Variants in RIMS4 observed in about 807,000 individuals in gnomAD.
RIMS4 encodes regulating synaptic membrane exocytosis 4, also known as regulating synaptic membrane exocytosis protein 4.
Under a neutral mutation model 29.0 loss-of-function variants are expected in RIMS4, and 9 were observed. The ratio of observed to expected loss-of-function variants is 0.31; its 90% CI spans 0.19 to 0.54. The LOEUF (loss-of-function observed/expected upper bound fraction) is 0.54. Ranked by LOEUF, RIMS4 falls within the 20% of genes least tolerant of loss-of-function variation. RIMS4 has a pLI of 0.94. For synonymous variants in RIMS4, 130 were observed against 152.9 expected (o/e 0.85, Z 1.10); for missense variants, 193 against 365.7 (o/e 0.53, Z 3.85).
chr20:44,757,860 C>T (rs2066067494), intron 3 of RIMS4, 89 bp from the exon 4 acceptor site: 1 of 1,201,760 alleles, frequency 8.3e-7, no homozygotes, highest in Non-Finnish European at 1.2e-6. Flanking sequence ...GGGCTGAAAC[C>T]CCCTTCCCCT....
intron 1 of RIMS4, among the ~76,000 whole-genome samples, chr20:44,786,323 C>T (rs896472353): frequency 7.2e-5 from 11 of 152,282 alleles, no homozygotes; most frequent in African/African-American, 2.4e-4. Context: ...AGAGTCGAGG[C>T]AAGGGACAGA....
At chr20:44,757,630 A>G (rs1206913272) in intron 4 of RIMS4, 40 bp downstream of exon 4, 1 of 1,529,250 alleles carries the variant, frequency 6.5e-7, no homozygotes, top group Admixed American at 1.7e-5. Context: ...ATCCTCCCTG[A>G]CCTCCACCCC....
chr20:44,807,608 C>T (rs918223800), intron 1 of RIMS4, among the ~76,000 whole-genome samples: 11 of 152,116 alleles, frequency 7.2e-5, no homozygotes, highest in South Asian at 2.1e-4. Flanking sequence ...GGTAGAGCCA[C>T]GCCTGTGTCC....
chr20:44,769,752 C>T (rs2145452530), intron 2 of RIMS4, among the ~76,000 whole-genome samples: 1 of 152,280 alleles, frequency 6.6e-6, no homozygotes, highest in East Asian at 1.9e-4. Context: ...CTGAAGATGC[C>T]CAGTTTAGGA....
intron 2 of RIMS4, among the ~76,000 whole-genome samples, chr20:44,770,910 G>A (rs970652712): frequency 3.3e-5 from 5 of 152,184 alleles, no homozygotes; most frequent in African/African-American, 9.7e-5. Context: ...TTTATGCTGT[G>A]TATAAATATC....
chr20:44,808,254 G>A (rs1420109002), intron 1 of RIMS4, among the ~76,000 whole-genome samples: 1 of 152,034 alleles, frequency 6.6e-6, no homozygotes, highest in Non-Finnish European at 1.5e-5. Context: ...AAGGCTGCTG[G>A]AAAAAACAAA....
Position 44,753,299 on chromosome 20 carries a change from G to A in RIMS4, c.*2835C>T, listed in dbSNP as rs1430000744. The A allele has an allele frequency of 6.6e-6, 1 of 152,572 alleles. No homozygotes were observed. Among genetic ancestry groups the A allele is most frequent in the Non-Finnish European group, 1.5e-5 (1 of 68,076 alleles). The allele number at this position is 152,572 out of a possible 1,614,324, so 9.5% of individuals were successfully genotyped here. Reference sequence around the variant, plus strand: ...CCCTGGCTCCGGCTCAGCCTCTATTGGGAGGAGGGGACCCAGGCTGGGGGT... The same window carrying A: ...CCCTGGCTCCGGCTCAGCCTCTATTAGGAGGAGGGGACCCAGGCTGGGGGT... On this transcript the variant is annotated 3_prime_UTR_variant, in exon 6 of 6. Coordinates refer to ENST00000372851, the MANE Select transcript of RIMS4 (RefSeq NM_182970.4).
At chr20:44,804,637 T>C (rs552083879) in intron 1 of RIMS4, among the ~76,000 whole-genome samples, 1 of 152,310 alleles carries the variant, frequency 6.6e-6, no homozygotes, top group East Asian at 1.9e-4. Flanking sequence ...CTCGCTCTCC[T>C]CCGCATCTCT....
At chr20:44,779,495 G>A (rs1289254016) in intron 1 of RIMS4, among the ~76,000 whole-genome samples, 1 of 152,188 alleles carries the variant, frequency 6.6e-6, no homozygotes, top group African/African-American at 2.4e-5. Context: ...AAATCACCTA[G>A]TGTATATTCT....
chr20:44,781,397 C>T (rs1053657424), intron 1 of RIMS4, among the ~76,000 whole-genome samples: 2 of 152,300 alleles, frequency 1.3e-5, no homozygotes, highest in African/African-American at 4.8e-5. Flanking sequence ...GTTAGAGGCA[C>T]GGTCTGGGTT....
intron 1 of RIMS4, among the ~76,000 whole-genome samples, chr20:44,774,190 AC>A (rs2066149642): frequency 6.6e-6 from 1 of 151,790 alleles, no homozygotes; most frequent in Non-Finnish European, 1.5e-5. Flanking sequence ...AACTACCCCC[AC>A]CAAGATCCAT....
At chr20:44,771,913 G>A (rs1472185967) in intron 1 of RIMS4, among the ~76,000 whole-genome samples, 6 of 151,444 alleles carry the variant, frequency 4.0e-5, no homozygotes, top group South Asian at 2.1e-4. Flanking sequence ...ACCCCACCCC[G>A]CTGCAGTCCA....
intron 1 of RIMS4, among the ~76,000 whole-genome samples, chr20:44,802,868 G>T (rs1238528682): frequency 6.6e-6 from 1 of 152,150 alleles, no homozygotes; most frequent in African/African-American, 2.4e-5. Flanking sequence ...ACACTGGTCT[G>T]CTTTCTATTC....
chr20:44,784,748 A>T (rs1435939370), intron 1 of RIMS4, among the ~76,000 whole-genome samples: 2 of 152,230 alleles, frequency 1.3e-5, no homozygotes, highest in Non-Finnish European at 1.5e-5. Flanking sequence ...TGGCCTTAGC[A>T]GAGTTGCAGA....
At position 44,758,548 on chromosome 20, in the gene RIMS4, G is replaced by C. The variant is rs376916593; in HGVS notation, c.237-364C>G. On this transcript the variant is annotated intron_variant, in intron 2 of 5. Transcript: ENST00000372851. ...TCTGAGGGGTGCATTTCTTGCGGCT[G>C]CTTGGCTACCTAATATCCACTTCCC... Among the ~76,000 whole-genome samples the C allele has an allele frequency of 5.3e-4, 80 of 152,302 alleles. 1 individual carries two copies. The South Asian group carries it at 0.016, about 30-fold the overall frequency.
intron 1 of RIMS4, among the ~76,000 whole-genome samples, chr20:44,784,274 G>A (rs2066198140): frequency 1.3e-5 from 2 of 152,030 alleles, no homozygotes; most frequent in Admixed American, 1.3e-4. Flanking sequence ...TGTAGGGGAT[G>A]GGGTGGGGTT....
intron 1 of RIMS4, 56 bp from the exon 2 acceptor site, chr20:44,771,469 C>G: frequency 6.4e-7 from 1 of 1,566,050 alleles, no homozygotes; most frequent in South Asian, 1.1e-5. Flanking sequence ...GGGAGGGGGA[C>G]AGAGAGAAGA....
intron 1 of RIMS4, among the ~76,000 whole-genome samples, chr20:44,794,622 G>A (rs930717176): frequency 3.9e-5 from 6 of 152,106 alleles, no homozygotes; most frequent in South Asian, 2.1e-4. Context: ...AATGTAACAC[G>A]GCAGGAACTG....
chr20:44,797,141 C>T (rs748785316), intron 1 of RIMS4, among the ~76,000 whole-genome samples: 12 of 152,232 alleles, frequency 7.9e-5, no homozygotes, highest in Non-Finnish European at 1.8e-4. Context: ...CTCCCTCTTT[C>T]CTGGGTGGGA....
Sources: gnomAD v4.1 joint callset for allele counts (sites outside exome capture counted in the v4.1 genomes callset) on GRCh38, gnomAD v4.1.1 for gene constraint, MANE v1.5 for transcripts, NCBI Gene and HGNC (gene_info 2026-07-23, HGNC 2026-07-21) for gene names.